Variants in IMMP2L observed in about 807,000 individuals in gnomAD.
The protein encoded by IMMP2L is mitochondrial inner membrane protease subunit 2.
A neutral mutation model predicts 19.3 loss-of-function variants in IMMP2L; 18 were observed. The ratio of observed to expected loss-of-function variants is 0.93; its 90% CI spans 0.64 to 1.38. The LOEUF is 1.38. Among genes scored for constraint, IMMP2L ranks in the 40% most tolerant of loss-of-function variants. The pLI, the probability that IMMP2L is intolerant of heterozygous loss-of-function variation, is 0.00. For missense variants in IMMP2L, 233 were observed against 218.2 expected (o/e 1.07, Z -0.43); for synonymous variants, 76 against 73.0 (o/e 1.04, Z -0.21).
At chr7:110,964,385 G>A (rs747795451) in intron 3 of IMMP2L, among the ~76,000 whole-genome samples, 2 of 151,900 alleles carry the variant, frequency 1.3e-5, no homozygotes, top group Non-Finnish European at 2.9e-5. Context: ...ATGAAGATGC[G>A]AAGCATTTCC....
chr7:111,544,103 T>C (rs1848707387), intron 1 of IMMP2L, among the ~76,000 whole-genome samples: 1 of 152,088 alleles, frequency 6.6e-6, no homozygotes, highest in Non-Finnish European at 1.5e-5. Flanking sequence ...TGTAGGGACA[T>C]GGATGAAGCT....
chr7:111,329,416 T>G (rs1051860791), intron 3 of IMMP2L, among the ~76,000 whole-genome samples: 1 of 151,866 alleles, frequency 6.6e-6, no homozygotes, highest in Non-Finnish European at 1.5e-5. Context: ...CTCCTGCCAG[T>G]AGCCTTCATG....
intron 5 of IMMP2L, among the ~76,000 whole-genome samples, chr7:110,751,259 CATTATA>C (rs1454825011): frequency 1.3e-5 from 2 of 151,294 alleles, no homozygotes. Flanking sequence ...AAGCAAATCT[CATTATA>C]TATGATAGAC....
intron 3 of IMMP2L, among the ~76,000 whole-genome samples, chr7:111,051,372 G>A (rs10487302): frequency 0.77 from 116,419 of 152,064 alleles, 47,529 homozygotes; most frequent in Non-Finnish European, 0.9. Flanking sequence ...ACTATCCTGA[G>A]CGAATGCATC....
chr7:110,794,541 T>C (rs1800727480), intron 5 of IMMP2L, among the ~76,000 whole-genome samples: 1 of 152,094 alleles, frequency 6.6e-6, no homozygotes, highest in Non-Finnish European at 1.5e-5. Flanking sequence ...AATGCGATCA[T>C]CATATATTCC....
chr7:111,210,540 G>A (rs1385497116), intron 3 of IMMP2L, among the ~76,000 whole-genome samples: 1 of 151,774 alleles, frequency 6.6e-6, no homozygotes, highest in East Asian at 1.9e-4. Context: ...CACTACCATT[G>A]GAAAGAAATA....
chr7:110,765,984 C>T (rs772521367), intron 5 of IMMP2L, among the ~76,000 whole-genome samples: 48 of 152,100 alleles, frequency 3.2e-4, no homozygotes, highest in Admixed American at 5.9e-4. Flanking sequence ...TGGTTGTGCA[C>T]ATTGTGGGTG....
At chr7:111,299,511 G>A (rs924070728) in intron 3 of IMMP2L, among the ~76,000 whole-genome samples, 3 of 146,116 alleles carry the variant, frequency 2.1e-5, no homozygotes, top group Non-Finnish European at 4.5e-5. Context: ...ATTTTCAGAA[G>A]CAAATACAAA....
chr7:110,679,460 G>A (rs1310430784), intron 5 of IMMP2L, among the ~76,000 whole-genome samples: 4 of 152,088 alleles, frequency 2.6e-5, no homozygotes, highest in Non-Finnish European at 5.9e-5. Context: ...TTATGTTGGA[G>A]ATAAAACAGT....
At chr7:111,050,501 C>T (rs1173138601) in intron 3 of IMMP2L, among the ~76,000 whole-genome samples, 1 of 152,164 alleles carries the variant, frequency 6.6e-6, no homozygotes, top group South Asian at 2.1e-4. Flanking sequence ...TCTATTGACG[C>T]GTTCTTTCTT....
At chr7:111,317,107 C>G (rs1824194971) in intron 3 of IMMP2L, among the ~76,000 whole-genome samples, 1 of 151,998 alleles carries the variant, frequency 6.6e-6, no homozygotes, top group Admixed American at 6.6e-5. Context: ...CTCAGCCTCC[C>G]AAAGTGCTGG....
intron 3 of IMMP2L, among the ~76,000 whole-genome samples, chr7:111,383,580 A>G (rs1465934100): frequency 1.2e-4 from 19 of 152,124 alleles, no homozygotes; most frequent in Admixed American, 1.2e-3. Flanking sequence ...AGGGCTATCC[A>G]GCCTTTGTCC....
chr7:111,187,928 G>A (rs1434768843), intron 3 of IMMP2L, among the ~76,000 whole-genome samples: 1 of 151,998 alleles, frequency 6.6e-6, no homozygotes, highest in Non-Finnish European at 1.5e-5. Flanking sequence ...CATCCATATT[G>A]ATGCTATTGC....
intron 3 of IMMP2L, among the ~76,000 whole-genome samples, chr7:111,472,089 T>C (rs1841323413): frequency 6.6e-6 from 1 of 152,126 alleles, no homozygotes; most frequent in Non-Finnish European, 1.5e-5. Flanking sequence ...ATAATCTCCA[T>C]AAGAGTATCC....
chr7:111,539,039 G>A (rs13309617), intron 1 of IMMP2L, among the ~76,000 whole-genome samples: 10,501 of 150,358 alleles, frequency 0.07, 443 homozygotes, highest in African/African-American at 0.097. Flanking sequence ...AGAATTGCTT[G>A]AACCTGAGAG....
intron 3 of IMMP2L, among the ~76,000 whole-genome samples, chr7:111,307,690 T>TACA (rs1229773006): frequency 3.3e-5 from 5 of 151,802 alleles, no homozygotes; most frequent in African/African-American, 7.2e-5. Context: ...ATTCATAATT[T>TACA]ACAGTTTGTT....
At chr7:110,779,797 A>C (rs1799617354) in intron 5 of IMMP2L, among the ~76,000 whole-genome samples, 1 of 151,832 alleles carries the variant, frequency 6.6e-6, no homozygotes, top group African/African-American at 2.4e-5. Flanking sequence ...GATCTTACTC[A>C]GCCATCCATG....
rs1205640287 is a variant in IMMP2L at position 111,561,952 on chromosome 7, G to A, written c.-104C>T. 6.6e-6 allele frequency: 1 copy of A among 152,612 alleles called. No individual in the cohort carries two copies. The highest frequency in any genetic ancestry group is 1.5e-5 in the Non-Finnish European group (1 of 68,062). 9.5% of individuals were successfully genotyped at this position (152,612 alleles called of 1,614,324 possible). On this transcript the variant is annotated 5_prime_UTR_variant, in exon 1 of 6. The change creates a new upstream start codon in the 5' untranslated region. Coordinates refer to ENST00000405709, the MANE Select transcript of IMMP2L (RefSeq NM_032549.4). ...AAAGTAAAAAACGACAGACAGACAC[G>A]TGCTTTAAAATCATGTTGTTCAAGC...
chr7:111,419,403 C>G (rs1419307366), intron 3 of IMMP2L, among the ~76,000 whole-genome samples: 1 of 151,472 alleles, frequency 6.6e-6, no homozygotes, highest in Non-Finnish European at 1.5e-5. Flanking sequence ...AGGAAATGGG[C>G]CCCAAAATCA....
Sources: allele counts gnomAD v4.1 joint callset (sites outside exome capture counted in the v4.1 genomes callset), GRCh38; gene constraint gnomAD v4.1.1; transcripts MANE v1.5; gene names NCBI Gene and HGNC (gene_info 2026-07-23, HGNC 2026-07-21).